The following ALX4 variants were observed in gnomAD, a reference collection of about 807,000 sequenced individuals.
ALX4 encodes homeobox protein aristaless-like 4.
A neutral mutation model predicts 40.6 loss-of-function variants in ALX4; 22 were observed. The observed-to-expected ratio is 0.54, with a 90% CI of 0.39 to 0.77. ALX4 has a LOEUF of 0.77. ALX4 is among the 30% of genes least tolerant of loss of function. ALX4 has a pLI of 0.00. For synonymous variants in ALX4, 266 were observed against 240.5 expected (o/e 1.11, Z -0.98); for missense variants, 556 against 564.8 (o/e 0.98, Z 0.16).
chr11:44,266,145 G>A (rs902092713), intron 3 of ALX4, among the ~76,000 whole-genome samples: 8 of 152,092 alleles, frequency 5.3e-5, no homozygotes, highest in African/African-American at 7.2e-5. Context: ...TTCTCTCTGC[G>A]GTGCAGGGGA....
intron 1 of ALX4, among the ~76,000 whole-genome samples, chr11:44,309,164 C>CCGCAGCCCCGCAGCTT (rs1565013043): frequency 2.4e-5 from 3 of 123,264 alleles, no homozygotes; most frequent in African/African-American, 9.8e-5. Flanking sequence ...TCCCGCAGCC[C>CCGCAGCCCCGCAGCTT]CGCAGCCCCG....
chr11:44,306,486 G>C lies in ALX4; in HGVS notation c.466+3111C>G, dbSNP rs560131179. 1.2e-4 allele frequency among the ~76,000 whole-genome samples: 18 copies of C among 152,350 alleles called. No individual in the cohort carries two copies. The East Asian group carries it at 3.3e-3, about 28-fold the overall frequency. On this transcript the variant is annotated intron_variant, in intron 1 of 3. Transcript: ENST00000652299. ...TTGAGGCCCAGGAAGAGGCCTCCGA[G>C]CTTCCCCCTTTTGTTAGGTGTAGTT...
At chr11:44,309,536 G>T in intron 1 of ALX4, 61 bp downstream of exon 1, 1 of 1,531,162 alleles carries the variant, frequency 6.5e-7, no homozygotes, top group Admixed American at 2.0e-5. Context: ...CCAGTTTCAA[G>T]GGATGCGGAA....
intron 1 of ALX4, among the ~76,000 whole-genome samples, chr11:44,285,072 C>A (rs767464328): frequency 3.9e-5 from 6 of 152,180 alleles, no homozygotes; most frequent in Non-Finnish European, 7.3e-5. Flanking sequence ...TCAAGCTATT[C>A]TCCTGCCGCA....
At chr11:44,274,243 G>A (rs1426972099) in intron 2 of ALX4, among the ~76,000 whole-genome samples, 1 of 152,210 alleles carries the variant, frequency 6.6e-6, no homozygotes, top group Non-Finnish European at 1.5e-5. Context: ...GTTGGGTTGA[G>A]TTCTATTGGG....
At position 44,261,063 on chromosome 11, in the gene ALX4, G is replaced by A. The variant is rs1430335814; in HGVS notation, c.*3791C>T. On this transcript the variant is annotated 3_prime_UTR_variant, in exon 4 of 4. Transcript: ENST00000652299. ...CCTACAGCATCCTGAAAGAAGTGAA[G>A]TGGGGTTGATGGGTCATTGTCACCT... 1.3e-5 allele frequency: 2 copies of A among 152,244 alleles called. No individual in the cohort carries two copies. Among genetic ancestry groups the A allele is most frequent in the Non-Finnish European group, 2.9e-5 (2 of 68,060 alleles). The allele number at this position is 152,244 out of a possible 1,614,324, so 9.4% of individuals were successfully genotyped here.
chr11:44,305,173 A>C (rs1956458880), intron 1 of ALX4, among the ~76,000 whole-genome samples: 1 of 152,262 alleles, frequency 6.6e-6, no homozygotes, highest in Non-Finnish European at 1.5e-5. Flanking sequence ...AACAGTGTAC[A>C]CATACATAAC....
intron 1 of ALX4, among the ~76,000 whole-genome samples, chr11:44,281,606 C>A (rs1956310809): frequency 6.6e-6 from 1 of 152,050 alleles, no homozygotes; most frequent in Non-Finnish European, 1.5e-5. Context: ...TTAAAAAAAA[C>A]AGGCCAGCAT....
At position 44,310,026 on chromosome 11, in the gene ALX4, G is replaced by GCGA; in HGVS notation, c.34_36dup (p.Ser12dup). On this transcript the variant is annotated inframe_insertion, in exon 1 of 4. Coordinates refer to ENST00000652299, the MANE Select transcript of ALX4 (RefSeq NM_021926.4). ...TAGTAGGCGTCCATGGCAGCGGCCG[G>GCGA]CGACTCGCAGTAAGAGACGCAAGTC... 6.2e-7 allele frequency: 1 copy of GCGA among 1,602,372 alleles called. No individual in the cohort carries two copies. Among genetic ancestry groups the GCGA allele is most frequent in the Non-Finnish European group, 8.5e-7 (1 of 1,174,832 alleles).
In ALX4 at chr11:44,309,853, C is replaced by T; in HGVS notation, c.210G>A (p.Gln70=). 1 of 1,560,326 alleles carries T rather than the reference C, an allele frequency of 6.4e-7. No individual in the cohort carries two copies. Among genetic ancestry groups the T allele is most frequent in the African/African-American group, 1.4e-5 (1 of 73,614 alleles). The change falls in exon 1 of 4, where the codon CAG becomes CAA. Residue 70 remains glutamine, a synonymous_variant. Transcript: ENST00000652299. ...AKSRARYGAG[Q]QDLATPLESG... ...TCTCCAGGGGTGTCGCCAGGTCCTG[C>T]TGCCCAGCGCCGTAACGGGCCCGGC... is the stretch of plus-strand genomic sequence containing the variant.
rs1380943068 is a variant in ALX4, at chr11:44,264,027, C to T, written c.*827G>A. 6.6e-6 allele frequency: 1 copy of T among 151,920 alleles called. No homozygotes were observed. The highest frequency in any genetic ancestry group is 1.5e-5 in the Non-Finnish European group (1 of 68,148). The allele number at this position is 151,920 out of a possible 1,614,324, so 9.4% of individuals were successfully genotyped here. ...CCCACGCCCCACCCGGATGCCTCCCCCTCTCCCAGGACCTTTCCTTCTTCT... is the reference window on the plus strand; with the variant it reads ...CCCACGCCCCACCCGGATGCCTCCCTCTCTCCCAGGACCTTTCCTTCTTCT... On this transcript the variant is annotated 3_prime_UTR_variant, in exon 4 of 4. Coordinates refer to ENST00000652299, the MANE Select transcript of ALX4 (RefSeq NM_021926.4).
intron 1 of ALX4, among the ~76,000 whole-genome samples, chr11:44,300,624 C>T (rs1207259944): frequency 6.6e-6 from 1 of 152,184 alleles, no homozygotes; most frequent in Non-Finnish European, 1.5e-5. Flanking sequence ...ACGGGGCAGA[C>T]ACACTACCTC....
At chr11:44,295,613 A>G (rs887783713) in intron 1 of ALX4, among the ~76,000 whole-genome samples, 1 of 152,218 alleles carries the variant, frequency 6.6e-6, no homozygotes, top group Admixed American at 6.5e-5. Flanking sequence ...AGGGTAGGGG[A>G]CAGGGAGTTG....
At chr11:44,305,013 T>G (rs945709137) in intron 1 of ALX4, among the ~76,000 whole-genome samples, 1 of 152,242 alleles carries the variant, frequency 6.6e-6, no homozygotes, top group African/African-American at 2.4e-5. Flanking sequence ...AACACTGCTG[T>G]CAGGAACAAA....
At chr11:44,286,525 G>C (rs1445906876) in intron 1 of ALX4, among the ~76,000 whole-genome samples, 1 of 152,118 alleles carries the variant, frequency 6.6e-6, no homozygotes, top group Non-Finnish European at 1.5e-5. Context: ...GTCACTGGAC[G>C]GAAGGTGATG....
intron 1 of ALX4, among the ~76,000 whole-genome samples, chr11:44,296,813 A>G (rs1956405264): frequency 6.6e-6 from 1 of 152,080 alleles, no homozygotes; most frequent in Non-Finnish European, 1.5e-5. Context: ...GTTCAAGACC[A>G]GCCTGGCCAA....
intron 1 of ALX4, among the ~76,000 whole-genome samples, chr11:44,289,210 A>G (rs1424235416): frequency 6.6e-6 from 1 of 152,222 alleles, no homozygotes; most frequent in African/African-American, 2.4e-5. Flanking sequence ...GGGTATTGCC[A>G]GTCAAGGAAG....
intron 2 of ALX4, among the ~76,000 whole-genome samples, chr11:44,270,604 G>A (rs1436979989): frequency 2.0e-5 from 3 of 152,126 alleles, no homozygotes; most frequent in East Asian, 3.9e-4. Flanking sequence ...GACCCCTGGC[G>A]CCCCAGGGGC....
intron 2 of ALX4, among the ~76,000 whole-genome samples, chr11:44,273,120 G>A (rs76339242): frequency 6.6e-6 from 1 of 150,758 alleles, no homozygotes; most frequent in Non-Finnish European, 1.5e-5. Context: ...GCTGAGGATT[G>A]CAGGGTTGGG....
Sources: gnomAD v4.1 joint callset for allele counts (sites outside exome capture counted in the v4.1 genomes callset) on GRCh38, gnomAD v4.1.1 for gene constraint, MANE v1.5 for transcripts, NCBI Gene and HGNC (gene_info 2026-07-23, HGNC 2026-07-21) for gene names.